RALY: variants seen among roughly 807,000 people sequenced by gnomAD.
The protein encoded by RALY is RALY heterogeneous nuclear ribonucleoprotein.
RALY carries 15 observed loss-of-function variants against 30.7 expected under a neutral mutation model. The observed-to-expected ratio is 0.49, with a 90% CI of 0.33 to 0.75. The LOEUF (loss-of-function observed/expected upper bound fraction) is 0.75, where lower values mean the gene tolerates loss of function less well. Ranked by LOEUF, RALY falls within the 30% of genes least tolerant of loss-of-function variation. RALY has a pLI of 0.02. For synonymous variants in RALY, 177 were observed against 170.8 expected (o/e 1.04, Z -0.28); for missense variants, 339 against 414.3 (o/e 0.82, Z 1.58).
intron 2 of RALY, among the ~76,000 whole-genome samples, chr20:34,065,349 A>G (rs753938230): frequency 3.5e-4 from 54 of 152,248 alleles, no homozygotes; most frequent in Non-Finnish European, 5.6e-4. Context: ...GGCCTAGGGA[A>G]GTTAAATGAC....
At chr20:33,995,163 C>G (rs1350103621) in intron 1 of RALY, among the ~76,000 whole-genome samples, 1 of 152,196 alleles carries the variant, frequency 6.6e-6, no homozygotes, top group African/African-American at 2.4e-5. Context: ...TGGATGAAAT[C>G]CCATTCTGGG....
chr20:34,005,127 A>C (rs898064323), intron 1 of RALY, among the ~76,000 whole-genome samples: 2 of 152,146 alleles, frequency 1.3e-5, no homozygotes, highest in Non-Finnish European at 2.9e-5. Context: ...GTGTTTGTCA[A>C]GATAGACAGG....
chr20:34,061,698 C>T (rs1033873142), intron 2 of RALY, among the ~76,000 whole-genome samples: 2 of 152,150 alleles, frequency 1.3e-5, no homozygotes, highest in Admixed American at 6.5e-5. Flanking sequence ...TAAGATTGGC[C>T]TACTGCTATG....
chr20:34,009,804 G>A (rs2031321976), intron 1 of RALY, among the ~76,000 whole-genome samples: 1 of 152,044 alleles, frequency 6.6e-6, no homozygotes, highest in South Asian at 2.1e-4. Flanking sequence ...TTGTTTCTTT[G>A]ATACTCAAGC....
At chr20:34,028,965 T>A (rs1017734382) in intron 1 of RALY, among the ~76,000 whole-genome samples, 1 of 152,046 alleles carries the variant, frequency 6.6e-6, no homozygotes, top group Admixed American at 6.6e-5. Context: ...AGCCATGACT[T>A]TTTTTGAGCA....
chr20:33,998,303 G>C lies in RALY; in HGVS notation c.-93+4172G>C, dbSNP rs144536817. Among the ~76,000 whole-genome samples, 109 of 152,318 alleles carry C rather than the reference G, an allele frequency of 7.2e-4. 1 individual carries two copies. Among genetic ancestry groups the C allele is most frequent in the Non-Finnish European group, 1.1e-3 (78 of 68,032 alleles). ...GGTCAGGGAAGGCTTTTTAGGAGGA[G>C]AAGTTGGTTAAGCCTAGCCCTCAAG... On this transcript the variant is annotated intron_variant, in intron 1 of 9. Transcript: ENST00000246194.
intron 3 of RALY, among the ~76,000 whole-genome samples, chr20:34,072,873 A>G (rs1193132820): frequency 6.6e-6 from 1 of 152,176 alleles, no homozygotes; most frequent in Non-Finnish European, 1.5e-5. Flanking sequence ...CAAGAAGTAT[A>G]TGGATTGACT....
chr20:33,995,047 A>G (rs2030543420), intron 1 of RALY, among the ~76,000 whole-genome samples: 1 of 152,214 alleles, frequency 6.6e-6, no homozygotes, highest in African/African-American at 2.4e-5. Context: ...AGCATGTATC[A>G]TCTCTTAGTG....
intron 2 of RALY, among the ~76,000 whole-genome samples, chr20:34,035,475 C>G (rs2032460558): frequency 6.6e-6 from 1 of 151,944 alleles, no homozygotes; most frequent in Non-Finnish European, 1.5e-5. Flanking sequence ...AGGCAGTGAT[C>G]AGAAGAGCTA....
intron 2 of RALY, among the ~76,000 whole-genome samples, chr20:34,032,824 C>G (rs1456974243): frequency 6.6e-6 from 1 of 152,118 alleles, no homozygotes; most frequent in Non-Finnish European, 1.5e-5. Context: ...CTGTTAATCT[C>G]CCTCTCTAAT....
At chr20:34,044,002 G>GA (rs2032789712) in intron 2 of RALY, among the ~76,000 whole-genome samples, 1 of 152,044 alleles carries the variant, frequency 6.6e-6, no homozygotes, top group Non-Finnish European at 1.5e-5. Context: ...GGACTTCAAA[G>GA]ATGAGGCATT....
intron 1 of RALY, among the ~76,000 whole-genome samples, chr20:33,998,520 C>G (rs1373688679): frequency 1.3e-5 from 2 of 152,154 alleles, no homozygotes; most frequent in African/African-American, 4.8e-5. Context: ...AAACAAATTT[C>G]TCAGGATTCT....
chr20:34,048,891 G>A (rs1212856292), intron 2 of RALY, among the ~76,000 whole-genome samples: 1 of 149,872 alleles, frequency 6.7e-6, no homozygotes, highest in Non-Finnish European at 1.5e-5. Context: ...CATCACCTTT[G>A]GATTTCTACA....
chr20:34,059,531 A>T (rs2033354392), intron 2 of RALY, among the ~76,000 whole-genome samples: 1 of 152,178 alleles, frequency 6.6e-6, no homozygotes, highest in Admixed American at 6.5e-5. Flanking sequence ...TTTTATCCCC[A>T]TTTTACAGGT....
chr20:34,059,471 C>G (rs1414450390), intron 2 of RALY, among the ~76,000 whole-genome samples: 3 of 152,132 alleles, frequency 2.0e-5, no homozygotes, highest in East Asian at 3.8e-4. Flanking sequence ...TGTCAGGTAA[C>G]AGAGCATGTT....
intron 2 of RALY, among the ~76,000 whole-genome samples, chr20:34,035,083 G>T (rs973534599): frequency 6.9e-6 from 1 of 145,886 alleles, no homozygotes; most frequent in African/African-American, 2.5e-5. Flanking sequence ...AACCCGGGAG[G>T]CAGAGCTTGC....
intron 3 of RALY, among the ~76,000 whole-genome samples, chr20:34,072,712 T>C (rs1342767204): frequency 6.6e-6 from 1 of 152,200 alleles, no homozygotes; most frequent in African/African-American, 2.4e-5. Context: ...ACAAGGACAG[T>C]GTGAATACGC....
At chr20:34,063,640 C>T (rs990660604) in intron 2 of RALY, among the ~76,000 whole-genome samples, 1 of 152,176 alleles carries the variant, frequency 6.6e-6, no homozygotes, top group South Asian at 2.1e-4. Context: ...AAGTATGCAT[C>T]TATCCAGGGA....
In RALY at chr20:34,080,091, TC is replaced by T. The variant is rs928289292; in HGVS notation, c.*188del. The T allele has an allele frequency of 3.3e-5, 5 of 152,552 alleles. No homozygotes were observed. Among genetic ancestry groups the T allele is most frequent in the Non-Finnish European group, 5.9e-5 (4 of 68,340 alleles). 9.4% of individuals were successfully genotyped at this position (152,552 alleles called of 1,614,324 possible). On this transcript the variant is annotated 3_prime_UTR_variant, in exon 10 of 10. Transcript: ENST00000246194. The stretch of plus-strand genomic sequence containing the variant: ...TCTGCAGGTGGAGTTACTGGCCTAC[TC>T]CTTCCCCATGAGCCCTCCCTGTCTG...
Sources: gnomAD v4.1 joint callset for allele counts (sites outside exome capture counted in the v4.1 genomes callset) on GRCh38, gnomAD v4.1.1 for gene constraint, MANE v1.5 for transcripts, NCBI Gene and HGNC (gene_info 2026-07-23, HGNC 2026-07-21) for gene names.